Variants in SPTBN2 observed in about 807,000 individuals in gnomAD.
SPTBN2 encodes spectrin beta, non-erythrocytic 2.
A neutral mutation model predicts 284.2 loss-of-function variants in SPTBN2; 107 were observed. The observed-to-expected ratio is 0.38, with a 90% CI of 0.32 to 0.44. SPTBN2 has a LOEUF of 0.44. Ranked by LOEUF, SPTBN2 falls within the 20% of genes least tolerant of loss-of-function variation. The probability of loss-of-function intolerance (pLI) is 1.00; values close to 1 mark genes in which losing one functional copy is unlikely to be tolerated. For missense variants in SPTBN2, 2,569 were observed against 3,287.1 expected (o/e 0.78, Z 5.34); for synonymous variants, 1,289 against 1,354.8 (o/e 0.95, Z 1.07).
rs151331478 is a variant in SPTBN2 at position 66,696,322 on chromosome 11, G to A, written c.4233C>T (p.Tyr1411=). The A allele has an allele frequency of 3.6e-5, 58 of 1,612,992 alleles. 1 individual carries two copies. Among genetic ancestry groups the A allele is most frequent in the Admixed American group, 1.7e-4 (10 of 60,002 alleles). Residue 1411 remains tyrosine (Y), a synonymous_variant, in exon 21 of 38, where the codon TAC becomes TAT. Coordinates refer to ENST00000533211, the MANE Select transcript of SPTBN2 (RefSeq NM_006946.4). Reference sequence around the variant, plus strand: ...TGTTGACGCTGGTGAGGTCCTTGCCGTAGTCATCCGAGTGCAGCTGGGCCT... The same window carrying A: ...TGTTGACGCTGGTGAGGTCCTTGCCATAGTCATCCGAGTGCAGCTGGGCCT... ...SLQAQLHSDD[Y]GKDLTSVNIL... is the part of the protein sequence containing the mutation.
Position 66,705,452 on chromosome 11 carries a change from G to T in SPTBN2, c.1824C>A (p.Asp608Glu), listed in dbSNP as rs1941491025. ...CNPGKEYRPC[D>E]PQLVSERVAK... Reference sequence around the variant, plus strand: ...CCACCCGCTCCGACACCAGCTGCGGGTCGCAAGGTCTATACTCTGAGAAAG... The same window carrying T: ...CCACCCGCTCCGACACCAGCTGCGGTTCGCAAGGTCTATACTCTGAGAAAG... The change falls in exon 15 of 38, where the codon GAC becomes GAA. Residue 608 changes from aspartate (D) to glutamate (E), a missense_variant. Around this residue, in one of 6 missense-constraint regions of SPTBN2, gnomAD observed 1,012 missense variants for 1,248.9 expected, o/e 0.81. Coordinates refer to ENST00000533211, the MANE Select transcript of SPTBN2 (RefSeq NM_006946.4). The T allele has an allele frequency of 1.2e-6, 2 of 1,613,064 alleles. No homozygotes were observed. The highest frequency in any genetic ancestry group is 1.1e-5 in the South Asian group (1 of 91,088).
At position 66,694,023 on chromosome 11, in the gene SPTBN2, C is replaced by T. The variant is rs549799243; in HGVS notation, c.4503+116G>A. On this transcript the variant is annotated intron_variant, in intron 22 of 37. Transcript: ENST00000533211. ...CAAGTCTCCCTATAGGGGAGATGGT[C>T]AATGCCAAAGAGAAGAGGGAATAGA... The T allele has an allele frequency of 6.2e-5, 87 of 1,393,030 alleles. No homozygotes were observed. In the South Asian group the frequency reaches 8.1e-4, roughly 13 times the overall value. 86.3% of individuals were successfully genotyped at this position (1,393,030 alleles called of 1,614,324 possible).
rs951886690 is a variant in SPTBN2, at chr11:66,705,403, C to T, written c.1873G>A (p.Ala625Thr). The T allele has an allele frequency of 6.2e-7, 1 of 1,613,028 alleles. No homozygotes were observed. The highest frequency in any genetic ancestry group is 2.2e-5 in the East Asian group (1 of 44,882). Residue 625 changes from alanine to threonine, a missense_variant, in exon 15 of 38, where the codon GCA (alanine) becomes ACA (threonine). Ala to Thr is a moderately conservative substitution (Grantham distance 58). Transcript: ENST00000533211. The part of the protein sequence containing the change: ...RVAKLEQSYE[A>T]LCELAAARRA... ...CGCGCCGCTGCCAACTCGCACAGTG[C>T]CTCATAGCTCTGCTCTAGCTTGGCC...
chr11:66,715,407 CG>C lies in SPTBN2; in HGVS notation c.310-13del, dbSNP rs1565150845. 1 of 1,605,956 alleles carries C rather than the reference CG, an allele frequency of 6.2e-7. No homozygotes were observed. Among genetic ancestry groups the C allele is most frequent in the East Asian group, 2.2e-5 (1 of 44,702 alleles). On this transcript the variant is annotated splice_polypyrimidine_tract_variant and intron_variant, in intron 4 of 37. Transcript: ENST00000533211. The surrounding 1 kb of genome is among the most constrained non-coding windows in gnomAD (Gnocchi z 5.3). Reference sequence around the variant, plus strand: ...TTTGTAGGCTTTGGCTGTGGAGGGACGGGGGCAAAATGGCACGGGACTGTGG... The same window carrying C: ...TTTGTAGGCTTTGGCTGTGGAGGGACGGGGCAAAATGGCACGGGACTGTGG...
At position 66,704,825 on chromosome 11, in the gene SPTBN2, C is replaced by T. The variant is rs1941437658; in HGVS notation, c.2451G>A (p.Leu817=). ...REQAAALPPT[L]SRTPEVQSRV... ...GGCTCTGCACCTCGGGCGTGCGGCT[C>T]AGTGTGGGGGGCAGGGCTGCTGCCT... Residue 817 remains leucine (L), a synonymous_variant, in exon 15 of 38, where the codon CTG becomes CTA. Coordinates refer to ENST00000533211, the MANE Select transcript of SPTBN2 (RefSeq NM_006946.4). The T allele has an allele frequency of 1.2e-6, 2 of 1,607,070 alleles. No homozygotes were observed. Among genetic ancestry groups the T allele is most frequent in the Non-Finnish European group, 1.7e-6 (2 of 1,179,350 alleles).
At position 66,692,975 on chromosome 11, in the gene SPTBN2, T is replaced by C. The variant is rs1940664209; in HGVS notation, c.4980A>G (p.Pro1660=). The change falls in exon 25 of 38, where the codon CCA becomes CCG. Residue 1660 remains proline, a synonymous_variant. Transcript: ENST00000533211. ...CGGGCTGCCGCTGCACCCACCTCTC[T>C]GGGTGCTCGTGGTCAATCATGTCCT... ...SSQDMIDHEH[P]ESTRISIRQA... 1.2e-6 allele frequency: 2 copies of C among 1,605,450 alleles called. No individual in the cohort carries two copies. Among genetic ancestry groups the C allele is most frequent in the Middle Eastern group, 1.9e-4 (1 of 5,272 alleles).
intron 1 of SPTBN2, among the ~76,000 whole-genome samples, chr11:66,742,911 C>T (rs115889751): frequency 3.3e-5 from 5 of 152,230 alleles, no homozygotes; most frequent in African/African-American, 7.2e-5. Flanking sequence ...CGCCCGGCCA[C>T]GATGGGAAAT....
At chr11:66,714,445 AG>A (rs1565149775) in intron 5 of SPTBN2, 38 bp from the exon 6 acceptor site, 1 of 1,533,674 alleles carries the variant, frequency 6.5e-7, no homozygotes, top group East Asian at 2.2e-5. Context: ...GTCCCTGGAC[AG>A]GAACTCCTGG....
chr11:66,696,508 C>T lies in SPTBN2; in HGVS notation c.4047G>A (p.Glu1349=), dbSNP rs1251353152. ...EGRELTLEKP[E]LKALVSEKLR... ...GCTTCTCCGACACCAGGGCTTTCAG[C>T]TCTGGCTTCTCAAGGGTGAGCTCTC... Residue 1349 remains glutamate (E), a synonymous_variant, in exon 21 of 38, where the codon GAG becomes GAA. Transcript: ENST00000533211. 5.0e-6 allele frequency: 8 copies of T among 1,612,032 alleles called. No individual in the cohort carries two copies. The Admixed American group carries it at 5.0e-5, about 10-fold the overall frequency.
In SPTBN2 at chr11:66,701,042, A is replaced by T. The variant is rs141552726; in HGVS notation, c.3057T>A (p.Thr1019=). The stretch of plus-strand genomic sequence containing the variant: ...CGGCAGCCAGGGCATTTGCCTCTCG[A>T]GTCAGTTCGCCCACCCGGGCGGCGA... ...EAIAARVGEL[T]REANALAAGH... Residue 1019 remains threonine, a synonymous_variant, in exon 17 of 38, where the codon ACT becomes ACA. Coordinates refer to ENST00000533211, the MANE Select transcript of SPTBN2 (RefSeq NM_006946.4). 1,290 of 1,609,464 alleles carry T rather than the reference A, an allele frequency of 8.0e-4. 11 individuals are homozygous for T. The African/African-American group carries it at 0.015, about 19-fold the overall frequency.
chr11:66,688,192 T>G lies in SPTBN2; in HGVS notation c.6351A>C (p.Thr2117=). The change falls in exon 32 of 38, where the codon ACA becomes ACC. Residue 2117 remains threonine (T), a synonymous_variant. Coordinates refer to ENST00000533211, the MANE Select transcript of SPTBN2 (RefSeq NM_006946.4). The part of the protein sequence containing the change: ...VPPGDLVGGQ[T]ASDTTWDGTQ... Reference sequence around the variant, plus strand: ...ACCCGTCCCAGGTGGTGTCAGAAGCTGTCTGGCCGCCCACCAGGTCCCCTG... The same window carrying G: ...ACCCGTCCCAGGTGGTGTCAGAAGCGGTCTGGCCGCCCACCAGGTCCCCTG... 1 of 1,613,662 alleles carries G rather than the reference T, an allele frequency of 6.2e-7. No homozygotes were observed. Among genetic ancestry groups the G allele is most frequent in the Non-Finnish European group, 8.5e-7 (1 of 1,180,042 alleles).
Position 66,691,196 on chromosome 11 carries a change from G to C in SPTBN2, c.5565+88C>G. ...AGTGCCGTCCTCCCAGCATTTCTGA[G>C]CTCTACCCTAGCTCCTGGGAACTCT... On this transcript the variant is annotated intron_variant, in intron 27 of 37. Transcript: ENST00000533211. The surrounding 1 kb of genome is among the most constrained non-coding windows in gnomAD (Gnocchi z 8.0). 6.8e-7 allele frequency: 1 copy of C among 1,466,308 alleles called. No homozygotes were observed. Among genetic ancestry groups the C allele is most frequent in the Non-Finnish European group, 9.1e-7 (1 of 1,104,470 alleles). 90.8% of individuals were successfully genotyped at this position (1,466,308 alleles called of 1,614,324 possible).
chr11:66,737,375 C>T (rs1021597193), intron 1 of SPTBN2, among the ~76,000 whole-genome samples: 1 of 152,192 alleles, frequency 6.6e-6, no homozygotes, highest in African/African-American at 2.4e-5. Context: ...ATACAAAGCA[C>T]AGGATATCTA....
intron 15 of SPTBN2, among the ~76,000 whole-genome samples, chr11:66,702,747 G>C (rs969506431): frequency 6.6e-6 from 1 of 151,566 alleles, no homozygotes; most frequent in African/African-American, 2.4e-5. Context: ...GACCATCCTG[G>C]CTAACACGGT....
intron 29 of SPTBN2, 118 bp downstream of exon 29, chr11:66,689,685 TGA>T: frequency 6.8e-7 from 1 of 1,475,614 alleles, no homozygotes; most frequent in Non-Finnish European, 9.4e-7. Flanking sequence ...TGAATGGCAC[TGA>T]GGGGAGAGAA....
In SPTBN2 at chr11:66,701,061, G is replaced by A; in HGVS notation, c.3038C>T (p.Ala1013Val). 7 of 1,610,618 alleles carry A rather than the reference G, an allele frequency of 4.3e-6. No homozygotes were observed. The highest frequency in any genetic ancestry group is 5.9e-6 in the Non-Finnish European group (7 of 1,179,848). The change falls in exon 17 of 38, where the codon GCC (alanine) becomes GTC (valine). Residue 1013 changes from alanine (A) to valine (V), a missense_variant. Transcript: ENST00000533211. ...GTERDLEAIAARVGELTREAN... is the reference protein window; with the variant it reads ...GTERDLEAIAVRVGELTREAN... ...CTCTCGAGTCAGTTCGCCCACCCGG[G>A]CGGCGATGGCCTCCAGGTCCCGCTC...
In SPTBN2 at chr11:66,729,003, C is replaced by CA. The variant is rs1418830588; in HGVS notation, c.-377dup. 1.3e-5 allele frequency: 2 copies of CA among 150,970 alleles called. No homozygotes were observed. The highest frequency in any genetic ancestry group is 2.9e-5 in the Non-Finnish European group (2 of 67,884). 9.4% of individuals were successfully genotyped at this position (150,970 alleles called of 1,614,324 possible). On this transcript the variant is annotated 5_prime_UTR_variant, in exon 1 of 38. An upstream open reading frame in the 5' UTR loses its in-frame stop. Transcript: ENST00000533211. ...TTCGTCTTCTACAGATCAGATGCTC[C>CA]AAACAGGCATCTCAGCGCTTCTCAG...
At position 66,720,003 on chromosome 11, in the gene SPTBN2, T is replaced by C. The variant is rs1942320790; in HGVS notation, c.157+1081A>G. Reference sequence around the variant, plus strand: ...GGCTGCCACAAGGGGGTCCTCAGACTGGTGCTGAGCTGGCTCAAAAGAATC... The same window carrying C: ...GGCTGCCACAAGGGGGTCCTCAGACCGGTGCTGAGCTGGCTCAAAAGAATC... On this transcript the variant is annotated intron_variant, in intron 3 of 37. Coordinates refer to ENST00000533211, the MANE Select transcript of SPTBN2 (RefSeq NM_006946.4). 2.0e-5 allele frequency among the ~76,000 whole-genome samples: 3 copies of C among 152,156 alleles called. No homozygotes were observed. In the South Asian group the frequency reaches 6.2e-4, roughly 32 times the overall value.
At chr11:66,696,090 G>T (rs543599189) in intron 21 of SPTBN2, among the ~76,000 whole-genome samples, 187 bp downstream of exon 21, 1 of 152,150 alleles carries the variant, frequency 6.6e-6, no homozygotes, top group South Asian at 2.1e-4. Context: ...TAGGGGGTCT[G>T]TCTCCTAACT....
Sources: gnomAD v4.1 joint callset for allele counts (sites outside exome capture counted in the v4.1 genomes callset) on GRCh38, gnomAD v4.1.1 for gene constraint, gnomAD v4.1.1 regional missense constraint, Gnocchi (gnomAD v3.1) non-coding constraint, MANE v1.5 for transcripts, NCBI Gene and HGNC (gene_info 2026-07-23, HGNC 2026-07-21) for gene names.